The following CDK8 variants were observed in gnomAD, a reference collection of about 807,000 sequenced individuals.
The protein encoded by CDK8 is cyclin dependent kinase 8.
Under a neutral mutation model 71.5 loss-of-function variants are expected in CDK8, and 29 were observed. That is an observed-to-expected ratio of 0.41 (90% CI 0.30 to 0.55). The LOEUF (loss-of-function observed/expected upper bound fraction) is 0.55, where lower values mean the gene tolerates loss of function less well. Ranked by LOEUF, CDK8 falls within the 20% of genes least tolerant of loss-of-function variation. CDK8 has a pLI of 0.37. For synonymous variants in CDK8, 161 were observed against 192.1 expected, an observed-to-expected ratio of 0.84 and a Z score of 1.34; for missense variants, 288 against 572.6, an observed-to-expected ratio of 0.50 and a Z score of 5.07.
chr13:26,396,354 C>T lies in CDK8; in HGVS notation c.860C>T (p.Thr287Met), dbSNP rs201577656. Residue 287 changes from threonine to methionine, a missense_variant and splice_region_variant, in exon 8 of 13, where the codon ACG becomes ATG. Transcript: ENST00000381527. ...STLMKDFRRN[T>M]YTNCSLIKYM... ...TTAATGAAAGATTTCAGAAGAAATA[C>T]GTAAGTTGGAAAAAAAGAGACTCCT... The T allele has an allele frequency of 2.7e-5, 39 of 1,422,360 alleles. No homozygotes were observed. In the South Asian group the frequency reaches 3.6e-4, roughly 13 times the overall value. 88.1% of individuals were successfully genotyped at this position (1,422,360 alleles called of 1,614,324 possible).
intron 1 of CDK8, among the ~76,000 whole-genome samples, chr13:26,285,091 T>C (rs2137891668): frequency 6.6e-6 from 1 of 152,188 alleles, no homozygotes; most frequent in South Asian, 2.1e-4. Context: ...ATACAAAAGT[T>C]AGCCGGGCGT....
chr13:26,264,895 A>G (rs1249153747), intron 1 of CDK8, among the ~76,000 whole-genome samples: 1 of 152,198 alleles, frequency 6.6e-6, no homozygotes, highest in East Asian at 1.9e-4. Context: ...ACGTTGCTGC[A>G]AATGATATGA....
At chr13:26,358,997 A>G (rs1233732615) in intron 4 of CDK8, 3 of 290,728 alleles carry the variant, frequency 1.0e-5, no homozygotes, top group African/African-American at 2.3e-5. Flanking sequence ...ACTGCACTTC[A>G]GCCTGGGCAA....
At chr13:26,391,032 G>T (rs1875723056) in intron 6 of CDK8, among the ~76,000 whole-genome samples, 2 of 150,150 alleles carry the variant, frequency 1.3e-5, no homozygotes, top group South Asian at 4.2e-4. Context: ...GTAGGAAAAA[G>T]AAACTTATTT....
At chr13:26,309,903 C>T (rs1447005933) in intron 1 of CDK8, among the ~76,000 whole-genome samples, 4 of 152,124 alleles carry the variant, frequency 2.6e-5, no homozygotes, top group East Asian at 1.9e-4. Flanking sequence ...TACAGGCACA[C>T]GCCACCATGT....
chr13:26,397,258 A>G, intron 9 of CDK8, 33 bp downstream of exon 9: 1 of 1,398,248 alleles, frequency 7.2e-7, no homozygotes, highest in South Asian at 1.2e-5. Flanking sequence ...AATGAAATGC[A>G]TTTTTTCCTT....
At chr13:26,388,250 T>C (rs1285334011) in intron 6 of CDK8, among the ~76,000 whole-genome samples, 2 of 152,242 alleles carry the variant, frequency 1.3e-5, no homozygotes, top group Non-Finnish European at 2.9e-5. Flanking sequence ...GAATTCTCTA[T>C]ACTATCTTTG....
intron 1 of CDK8, among the ~76,000 whole-genome samples, chr13:26,297,478 C>G (rs1229039197): frequency 6.6e-6 from 1 of 152,112 alleles, no homozygotes; most frequent in Non-Finnish European, 1.5e-5. Flanking sequence ...CCTTCTACTT[C>G]TAGAAGGTTG....
chr13:26,388,328 G>T (rs1466392780), intron 6 of CDK8, among the ~76,000 whole-genome samples: 1 of 152,000 alleles, frequency 6.6e-6, no homozygotes, highest in Non-Finnish European at 1.5e-5. Flanking sequence ...GAAAAATAAG[G>T]ATGATTTATT....
chr13:26,323,028 T>G (rs1259594114), intron 1 of CDK8, among the ~76,000 whole-genome samples: 1 of 152,184 alleles, frequency 6.6e-6, no homozygotes, highest in African/African-American at 2.4e-5. Flanking sequence ...GGGCAATAGG[T>G]ACATAGAATT....
intron 1 of CDK8, among the ~76,000 whole-genome samples, chr13:26,275,692 A>G (rs1270084269): frequency 6.6e-6 from 1 of 152,248 alleles, no homozygotes; most frequent in Non-Finnish European, 1.5e-5. Flanking sequence ...AATCCTCATT[A>G]ACCCACCATG....
intron 1 of CDK8, among the ~76,000 whole-genome samples, chr13:26,269,678 G>C (rs1359225754): frequency 6.6e-6 from 1 of 151,998 alleles, no homozygotes; most frequent in Non-Finnish European, 1.5e-5. Flanking sequence ...CTTTGACTTT[G>C]ATCATGTAGT....
At chr13:26,283,593 A>G (rs1872864147) in intron 1 of CDK8, among the ~76,000 whole-genome samples, 1 of 149,778 alleles carries the variant, frequency 6.7e-6, no homozygotes, top group South Asian at 2.1e-4. Flanking sequence ...GGGCAACAGA[A>G]TGAGACTCCG....
intron 1 of CDK8, among the ~76,000 whole-genome samples, chr13:26,281,278 G>T (rs1872733814): frequency 6.6e-6 from 1 of 152,220 alleles, no homozygotes; most frequent in Non-Finnish European, 1.5e-5. Context: ...GGTATCCACA[G>T]CTGGGAGACC....
At chr13:26,291,118 CA>C (rs11448258) in intron 1 of CDK8, among the ~76,000 whole-genome samples, 93 of 139,452 alleles carry the variant, frequency 6.7e-4, no homozygotes, top group Middle Eastern at 3.6e-3. Flanking sequence ...GCCTCCATCT[CA>C]AAAAAAAAAA....
In CDK8 at chr13:26,404,399, G is replaced by A. The variant is rs1876417076; in HGVS notation, c.*318G>A. 1 of 294,380 alleles carries A rather than the reference G, an allele frequency of 3.4e-6. No homozygotes were observed. The highest frequency in any genetic ancestry group is 6.4e-6 in the Non-Finnish European group (1 of 155,120). The allele number at this position is 294,380 out of a possible 1,614,324, so 18.2% of individuals were successfully genotyped here. A position where few individuals can be genotyped will look rare whatever the true frequency, so the allele number is the denominator to read the frequency against. ...GTCTGTAGCAGTTGAAGCTGTGAAT[G>A]TGCTAGGGGCAAGCATTTGTCTTTG... On this transcript the variant is annotated 3_prime_UTR_variant, in exon 13 of 13. Coordinates refer to ENST00000381527, the MANE Select transcript of CDK8 (RefSeq NM_001260.3).
chr13:26,373,279 G>A (rs980968509), intron 4 of CDK8, among the ~76,000 whole-genome samples: 11 of 151,772 alleles, frequency 7.2e-5, no homozygotes, highest in African/African-American at 2.7e-4. Flanking sequence ...ATTTTCTAAT[G>A]TCTGTCTTCC....
At chr13:26,336,259 A>G (rs1292517553) in intron 1 of CDK8, among the ~76,000 whole-genome samples, 3 of 152,210 alleles carry the variant, frequency 2.0e-5, no homozygotes, top group Middle Eastern at 3.4e-3. Flanking sequence ...TAATAATACT[A>G]TGATATTGTT....
chr13:26,300,334 G>A (rs377242289), intron 1 of CDK8, among the ~76,000 whole-genome samples: 34 of 152,254 alleles, frequency 2.2e-4, no homozygotes, highest in African/African-American at 7.7e-4. Context: ...TGCAGCGTGG[G>A]TGGGCTGGAC....
Sources: allele counts gnomAD v4.1 joint callset (sites outside exome capture counted in the v4.1 genomes callset), GRCh38; gene constraint gnomAD v4.1.1; transcripts MANE v1.5; gene names NCBI Gene and HGNC (gene_info 2026-07-23, HGNC 2026-07-21).